The following RABGAP1L variants were observed in gnomAD, a reference collection of about 807,000 sequenced individuals.
The protein encoded by RABGAP1L is RAB GTPase activating protein 1 like, also known as rab GTPase-activating protein 1-like.
RABGAP1L carries 63 observed loss-of-function variants against 137.7 expected under a neutral mutation model. The observed-to-expected ratio is 0.46, with a 90% CI of 0.37 to 0.56. The LOEUF (loss-of-function observed/expected upper bound fraction) is 0.56, where lower values mean the gene tolerates loss of function less well. Among genes scored for constraint, RABGAP1L ranks in the 20% least tolerant of loss-of-function variants. The probability of loss-of-function intolerance (pLI) is 0.00; values close to 1 mark genes in which losing one functional copy is unlikely to be tolerated. For synonymous variants in RABGAP1L, 431 were observed against 433.7 expected (o/e 0.99, Z 0.08); for missense variants, 1,095 against 1,244.0 (o/e 0.88, Z 1.80).
At chr1:174,986,318 AGGAG>A (rs1671589877) in intron 24 of RABGAP1L, among the ~76,000 whole-genome samples, 1 of 152,158 alleles carries the variant, frequency 6.6e-6, no homozygotes, top group Non-Finnish European at 1.5e-5. Context: ...TTAGTCCAAA[AGGAG>A]ATGCAGGATA....
intron 13 of RABGAP1L, among the ~76,000 whole-genome samples, chr1:174,615,402 C>T (rs558887797): frequency 6.6e-6 from 1 of 152,192 alleles, no homozygotes; most frequent in Non-Finnish European, 1.5e-5. Flanking sequence ...TTTTCGTGAA[C>T]CACAAATGCT....
At chr1:174,447,328 A>G (rs1654878393) in intron 13 of RABGAP1L, among the ~76,000 whole-genome samples, 1 of 152,114 alleles carries the variant, frequency 6.6e-6, no homozygotes, top group African/African-American at 2.4e-5. Flanking sequence ...CTTTTTTCTC[A>G]TGAGAGTTAT....
chr1:174,372,134 G>A (rs912840880), intron 12 of RABGAP1L, among the ~76,000 whole-genome samples: 1 of 151,936 alleles, frequency 6.6e-6, no homozygotes, highest in African/African-American at 2.4e-5. Flanking sequence ...ACATTTCAGA[G>A]AACTTATTTA....
chr1:174,614,816 A>G (rs1181125691), intron 13 of RABGAP1L, among the ~76,000 whole-genome samples: 1 of 151,914 alleles, frequency 6.6e-6, no homozygotes, highest in Non-Finnish European at 1.5e-5. Context: ...TTCTTGCTTC[A>G]TTTCATTCAT....
intron 13 of RABGAP1L, 34 bp from the exon 14 acceptor site, chr1:174,637,341 T>A: frequency 2.1e-6 from 3 of 1,463,278 alleles, no homozygotes; most frequent in Non-Finnish European, 1.9e-6. Context: ...TGGGAAAAAA[T>A]TTAATAACCA....
rs1394382431 is a variant in RABGAP1L at position 174,990,070 on chromosome 1, T to C, written c.*69T>C. On this transcript the variant is annotated 3_prime_UTR_variant, in exon 26 of 26. Transcript: ENST00000681986. Reference sequence around the variant, plus strand: ...GGAAATCTGGGAGGATTCTTCCTGGTGTCCCTTTGAAGGAAAGTCAAGGAG... The same window carrying C: ...GGAAATCTGGGAGGATTCTTCCTGGCGTCCCTTTGAAGGAAAGTCAAGGAG... 2.1e-6 allele frequency: 3 copies of C among 1,433,634 alleles called. No homozygotes were observed. The African/African-American group carries it at 4.3e-5, about 21-fold the overall frequency. 88.8% of individuals were successfully genotyped at this position (1,433,634 alleles called of 1,614,324 possible).
intron 13 of RABGAP1L, among the ~76,000 whole-genome samples, chr1:174,422,608 A>C (rs1651450025): frequency 6.6e-6 from 1 of 152,140 alleles, no homozygotes; most frequent in African/African-American, 2.4e-5. Flanking sequence ...ATATGAATTA[A>C]TCTTAAATCA....
chr1:174,898,416 A>G (rs1381844385), intron 19 of RABGAP1L, among the ~76,000 whole-genome samples: 1 of 152,168 alleles, frequency 6.6e-6, no homozygotes, highest in Non-Finnish European at 1.5e-5. Context: ...GTTACATACA[A>G]TATTCTTTTG....
intron 13 of RABGAP1L, among the ~76,000 whole-genome samples, chr1:174,559,949 C>T (rs140895227): frequency 0.022 from 3,384 of 152,242 alleles, 57 homozygotes; most frequent in Middle Eastern, 0.088. Flanking sequence ...GCCTGGCCAA[C>T]ATGGTGAAAC....
At position 174,501,750 on chromosome 1, in the gene RABGAP1L, A is replaced by G. The variant is rs147954683; in HGVS notation, c.1710+107605A>G. ...ATTAACATTTTTTTAAAAATCCATAACTTAGTAGGTGTTAGTGTTTCTAAA... is the reference window on the plus strand; with the variant it reads ...ATTAACATTTTTTTAAAAATCCATAGCTTAGTAGGTGTTAGTGTTTCTAAA... On this transcript the variant is annotated intron_variant, in intron 13 of 25. Coordinates refer to ENST00000681986, the MANE Select transcript of RABGAP1L (RefSeq NM_001366446.1). Among the ~76,000 whole-genome samples, 194 of 152,254 alleles carry G rather than the reference A, an allele frequency of 1.3e-3. 1 individual carries two copies. The highest frequency in any genetic ancestry group is 4.6e-3 in the African/African-American group (192 of 41,552).
intron 10 of RABGAP1L, among the ~76,000 whole-genome samples, chr1:174,285,379 A>AT (rs1176484791): frequency 2.6e-5 from 4 of 151,890 alleles, no homozygotes; most frequent in Non-Finnish European, 4.4e-5. Context: ...TTTGTAAGGG[A>AT]TTTTTTTGTT....
intron 1 of RABGAP1L, among the ~76,000 whole-genome samples, chr1:174,209,870 A>G (rs1342007748): frequency 1.3e-5 from 2 of 152,200 alleles, no homozygotes; most frequent in East Asian, 1.9e-4. Context: ...GTGTCACTCT[A>G]TCCTCAGCCC....
intron 21 of RABGAP1L, among the ~76,000 whole-genome samples, chr1:174,971,250 C>CAT (rs1323726668): frequency 6.6e-6 from 1 of 150,710 alleles, no homozygotes; most frequent in Non-Finnish European, 1.5e-5. Context: ...TTATAATATG[C>CAT]ATATTATATA....
intron 13 of RABGAP1L, among the ~76,000 whole-genome samples, chr1:174,546,288 C>T (rs1666002810): frequency 1.3e-5 from 2 of 152,164 alleles, no homozygotes; most frequent in Admixed American, 1.3e-4. Context: ...CATATTAGAC[C>T]ACCTACTTAC....
intron 18 of RABGAP1L, among the ~76,000 whole-genome samples, chr1:174,797,471 G>A (rs1030104811): frequency 2.0e-5 from 3 of 150,204 alleles, no homozygotes; most frequent in Non-Finnish European, 1.5e-5. Context: ...CTAAATGTGC[G>A]TGGTGTTGGG....
intron 19 of RABGAP1L, among the ~76,000 whole-genome samples, chr1:174,834,731 C>T (rs1171409065): frequency 1.3e-5 from 2 of 151,178 alleles, no homozygotes; most frequent in African/African-American, 2.4e-5. Flanking sequence ...TATGCAAATA[C>T]ATTTCATCAT....
At chr1:174,599,648 C>T (rs966727154) in intron 13 of RABGAP1L, among the ~76,000 whole-genome samples, 2 of 152,090 alleles carry the variant, frequency 1.3e-5, no homozygotes, top group Admixed American at 6.5e-5. Context: ...ATATGTCATG[C>T]CACTCTCCTG....
intron 13 of RABGAP1L, among the ~76,000 whole-genome samples, chr1:174,541,699 C>G (rs1665454161): frequency 6.6e-6 from 1 of 152,006 alleles, no homozygotes; most frequent in Non-Finnish European, 1.5e-5. Context: ...TGGCATGAAC[C>G]CGGGAGGCGG....
chr1:174,623,566 C>T (rs930409767), intron 13 of RABGAP1L, among the ~76,000 whole-genome samples: 1 of 152,174 alleles, frequency 6.6e-6, no homozygotes, highest in African/African-American at 2.4e-5. Flanking sequence ...CCTTTGTCCT[C>T]TCCCCATGAG....
Sources: gnomAD v4.1 joint callset for allele counts (sites outside exome capture counted in the v4.1 genomes callset) on GRCh38, gnomAD v4.1.1 for gene constraint, MANE v1.5 for transcripts, NCBI Gene and HGNC (gene_info 2026-07-23, HGNC 2026-07-21) for gene names.